PLCH1: variants seen among roughly 807,000 people sequenced by gnomAD.
PLCH1 encodes the protein 1-phosphatidylinositol 4,5-bisphosphate phosphodiesterase eta-1.
PLCH1 carries 60 observed loss-of-function variants against 126.7 expected under a neutral mutation model. The ratio of observed to expected loss-of-function variants is 0.47; its 90% CI spans 0.38 to 0.59. The LOEUF (loss-of-function observed/expected upper bound fraction) is 0.59, where lower values mean the gene tolerates loss of function less well. Among genes scored for constraint, PLCH1 ranks in the 20% least tolerant of loss-of-function variants. PLCH1 has a pLI of 0.00. For missense variants in PLCH1, 1,723 were observed against 2,040.0 expected, an observed-to-expected ratio of 0.84 and a Z score of 2.99; for synonymous variants, 719 against 734.9, an observed-to-expected ratio of 0.98 and a Z score of 0.35.
chr3:155,610,073 A>T lies in PLCH1; in HGVS notation c.80-13695T>A, dbSNP rs1470265690. Among the ~76,000 whole-genome samples, 5 of 152,262 alleles carry T rather than the reference A, an allele frequency of 3.3e-5. No homozygotes were observed. The South Asian group carries it at 1.0e-3, about 32-fold the overall frequency. On this transcript the variant is annotated intron_variant, in intron 2 of 22. Coordinates refer to ENST00000460012, the MANE Select transcript of PLCH1 (RefSeq NM_014996.4). Reference sequence around the variant, plus strand: ...CCAGGAAATTAACTGCAAAAAGACCATCACCACTGGGTGCGGTGGATCACA... The same window carrying T: ...CCAGGAAATTAACTGCAAAAAGACCTTCACCACTGGGTGCGGTGGATCACA...
intron 2 of PLCH1, among the ~76,000 whole-genome samples, chr3:155,637,421 T>C (rs549245756): frequency 6.6e-6 from 1 of 152,276 alleles, no homozygotes; most frequent in Admixed American, 6.5e-5. Flanking sequence ...GTAGGTCCTG[T>C]CCTAATAAAA....
chr3:155,496,486 A>G (rs1044355407), intron 15 of PLCH1, among the ~76,000 whole-genome samples: 1 of 152,182 alleles, frequency 6.6e-6, no homozygotes, highest in African/African-American at 2.4e-5. Context: ...TCTTTCTGCA[A>G]ATAGAAAAAG....
intron 4 of PLCH1, among the ~76,000 whole-genome samples, chr3:155,587,517 C>T (rs944583815): frequency 2.0e-5 from 3 of 152,152 alleles, no homozygotes; most frequent in African/African-American, 7.2e-5. Context: ...GTCTCTACAC[C>T]ACGCTTCTCT....
chr3:155,709,570 A>T (rs930259418), intron 1 of PLCH1, among the ~76,000 whole-genome samples: 2 of 152,192 alleles, frequency 1.3e-5, no homozygotes, highest in Non-Finnish European at 2.9e-5. Flanking sequence ...CTTGTTTGCC[A>T]GTAGTATATC....
chr3:155,719,945 G>A (rs576095981), intron 1 of PLCH1, among the ~76,000 whole-genome samples: 9 of 151,996 alleles, frequency 5.9e-5, no homozygotes, highest in Admixed American at 3.3e-4. Context: ...ACAGTCATGC[G>A]CCACCATGCC....
In PLCH1 at chr3:155,554,785, C is replaced by T. The variant is rs566145243; in HGVS notation, c.1070-589G>A. ...GGCAAATAACTTAATCATTTGAAGA[C>T]TTGTTTTCCCCATCTAGAAAAGGAG... On this transcript the variant is annotated intron_variant, in intron 8 of 22. Transcript: ENST00000460012. Among the ~76,000 whole-genome samples, 10 of 152,298 alleles carry T rather than the reference C, an allele frequency of 6.6e-5. No individual in the cohort carries two copies. The South Asian group carries it at 2.1e-3, about 32-fold the overall frequency.
chr3:155,628,455 A>G (rs1430371577), intron 2 of PLCH1, among the ~76,000 whole-genome samples: 1 of 151,636 alleles, frequency 6.6e-6, no homozygotes, highest in Non-Finnish European at 1.5e-5. Context: ...CAGCTTACCA[A>G]TATTTGATCA....
chr3:155,486,128 C>A, intron 21 of PLCH1: 4 of 1,487,386 alleles, frequency 2.7e-6, no homozygotes, highest in African/African-American at 2.8e-5. Flanking sequence ...CAGAACAAAG[C>A]ACCATGCTGA....
At chr3:155,497,144 C>A (rs1361230990) in intron 15 of PLCH1, among the ~76,000 whole-genome samples, 176 bp downstream of exon 15, 1 of 152,186 alleles carries the variant, frequency 6.6e-6, no homozygotes. Flanking sequence ...ATCAGTAGAA[C>A]CCTCCATGTG....
chr3:155,528,548 C>T (rs1480555813), intron 10 of PLCH1, among the ~76,000 whole-genome samples: 2 of 152,168 alleles, frequency 1.3e-5, no homozygotes, highest in Non-Finnish European at 2.9e-5. Context: ...TGAAACTGTA[C>T]ACAAGACATT....
intron 4 of PLCH1, among the ~76,000 whole-genome samples, chr3:155,591,291 C>T (rs1349824684): frequency 1.3e-5 from 2 of 152,082 alleles, no homozygotes; most frequent in African/African-American, 4.8e-5. Context: ...ACCCAAAAGC[C>T]ATGTACTTTA....
At chr3:155,568,443 T>A (rs989148711) in intron 6 of PLCH1, 119 bp from the exon 7 acceptor site, 1 of 470,228 alleles carries the variant, frequency 2.1e-6, no homozygotes, top group Non-Finnish European at 3.8e-6. Context: ...TAAATGAGCA[T>A]TGTTTGGGGT....
At position 155,481,974 on chromosome 3, in the gene PLCH1, A is replaced by T; in HGVS notation, c.4052T>A (p.Leu1351His). ...TLCFNSGESS[L>H]VEIDGESENL... ...TTCTGATTCTCCATCAATTTCCACA[A>T]GGCTGCTCTCCCCAGAATTGAAACA... The change falls in exon 23 of 23, where the codon CTT (leucine) becomes CAT (histidine). Residue 1351 changes from leucine to histidine, a missense_variant. By Grantham distance (99) the Leu-to-His change is moderately conservative. Around this residue, in one of 2 missense-constraint regions of PLCH1, gnomAD observed 947 missense variants for 977.1 expected, o/e 0.97. Coordinates refer to ENST00000460012, the MANE Select transcript of PLCH1 (RefSeq NM_014996.4). The surrounding 1 kb of genome is among the most constrained non-coding windows in gnomAD (Gnocchi z 4.2). The T allele has an allele frequency of 6.2e-7, 1 of 1,614,184 alleles. No homozygotes were observed. Among genetic ancestry groups the T allele is most frequent in the East Asian group, 2.2e-5 (1 of 44,884 alleles).
intron 21 of PLCH1, chr3:155,456,799 C>A (rs1380976359): frequency 6.5e-6 from 1 of 152,884 alleles, no homozygotes; most frequent in Non-Finnish European, 1.5e-5. Context: ...CTTTCAACCC[C>A]TTTCCCACCT....
At chr3:155,700,278 T>C (rs1746174251) in intron 2 of PLCH1, among the ~76,000 whole-genome samples, 1 of 152,230 alleles carries the variant, frequency 6.6e-6, no homozygotes, top group African/African-American at 2.4e-5. Context: ...GGATAAAAAG[T>C]AATCCTTTAA....
At chr3:155,694,440 C>A (rs1745650627) in intron 2 of PLCH1, among the ~76,000 whole-genome samples, 1 of 152,202 alleles carries the variant, frequency 6.6e-6, no homozygotes. Flanking sequence ...TGATAAGCTT[C>A]TACTTAGCTT....
intron 2 of PLCH1, among the ~76,000 whole-genome samples, chr3:155,657,400 C>A (rs575465445): frequency 1.1e-3 from 173 of 152,234 alleles, no homozygotes; most frequent in South Asian, 5.6e-3. Flanking sequence ...GCCAAGACAA[C>A]TACAGTTCAC....
intron 2 of PLCH1, among the ~76,000 whole-genome samples, chr3:155,641,141 C>A (rs1739346864): frequency 6.6e-6 from 1 of 151,556 alleles, no homozygotes; most frequent in Non-Finnish European, 1.5e-5. Flanking sequence ...ATTACTTGAG[C>A]CCTATAGCCT....
rs575991067 is a variant in PLCH1, at chr3:155,659,799, A to T, written c.79+44347T>A. 1.1e-3 allele frequency among the ~76,000 whole-genome samples: 162 copies of T among 151,986 alleles called. 1 individual carries two copies. The highest frequency in any genetic ancestry group is 3.4e-3 in the Middle Eastern group (1 of 294). Reference sequence around the variant, plus strand: ...CAGGTGTGAGCCACTGCGCTCAGCTAATTTTTGTAATTTTTTTAGAGATGG... The same window carrying T: ...CAGGTGTGAGCCACTGCGCTCAGCTTATTTTTGTAATTTTTTTAGAGATGG... On this transcript the variant is annotated intron_variant, in intron 2 of 22. Transcript: ENST00000460012.
Sources: gnomAD v4.1 joint callset for allele counts (sites outside exome capture counted in the v4.1 genomes callset) on GRCh38, gnomAD v4.1.1 for gene constraint, gnomAD v4.1.1 regional missense constraint, Gnocchi (gnomAD v3.1) non-coding constraint, MANE v1.5 for transcripts, NCBI Gene and HGNC (gene_info 2026-07-23, HGNC 2026-07-21) for gene names.